The following RTTN variants were observed in gnomAD, a reference collection of about 807,000 sequenced individuals.
RTTN encodes the protein rotatin.
RTTN carries 182 observed loss-of-function variants against 269.2 expected under a neutral mutation model. The ratio of observed to expected loss-of-function variants is 0.68; its 90% CI spans 0.60 to 0.76. The LOEUF is 0.76. Among genes scored for constraint, RTTN ranks in the 30% least tolerant of loss-of-function variants. The pLI, the probability that RTTN is intolerant of heterozygous loss-of-function variation, is 0.00. For missense variants in RTTN, 2,545 were observed against 2,608.6 expected (o/e 0.98, Z 0.53); for synonymous variants, 1,006 against 963.5 (o/e 1.04, Z -0.82).
intron 11 of RTTN, among the ~76,000 whole-genome samples, chr18:70,171,937 T>TCATTAGATCTTTTTATATACCTC (rs1383974819): frequency 4.6e-5 from 7 of 152,188 alleles, no homozygotes; most frequent in Non-Finnish European, 8.8e-5. Flanking sequence ...CTTCACCAGG[T>TCATTAGATCTTTTTATATACCTC]CATTAGATCT....
At chr18:70,185,342 A>C (rs1264407107) in intron 10 of RTTN, among the ~76,000 whole-genome samples, 1 of 152,184 alleles carries the variant, frequency 6.6e-6, no homozygotes, top group Non-Finnish European at 1.5e-5. Context: ...AAAACTAAGA[A>C]ACTGAACCTC....
chr18:70,032,089 G>A (rs926954965), intron 40 of RTTN, among the ~76,000 whole-genome samples: 3 of 152,222 alleles, frequency 2.0e-5, no homozygotes, highest in Admixed American at 6.5e-5. Context: ...TGGTATGGGA[G>A]TGTCTATAGC....
chr18:70,136,346 A>G (rs1329099067), intron 21 of RTTN, among the ~76,000 whole-genome samples: 1 of 152,056 alleles, frequency 6.6e-6, no homozygotes, highest in Non-Finnish European at 1.5e-5. Flanking sequence ...ATGATAAAAA[A>G]TTGCCCAACT....
At chr18:70,083,286 T>C (rs1362226378) in intron 32 of RTTN, among the ~76,000 whole-genome samples, 1 of 152,198 alleles carries the variant, frequency 6.6e-6, no homozygotes, top group Non-Finnish European at 1.5e-5. Flanking sequence ...ACTTATGCTA[T>C]GAAAATTAAG....
intron 35 of RTTN, among the ~76,000 whole-genome samples, chr18:70,065,289 C>CAAAAAAAAAAAAAAA (rs2058101914): frequency 2.8e-5 from 2 of 72,102 alleles, no homozygotes. Flanking sequence ...AAAAAAAAAG[C>CAAAAAAAAAAAAAAA]AAAGTTGCAA....
chr18:70,192,690 G>T lies in RTTN; in HGVS notation c.1007+598C>A, dbSNP rs74528061. On this transcript the variant is annotated intron_variant, in intron 8 of 48. Transcript: ENST00000640769. ...GTCTCAAAAAAAAAAAAAAAAAAAAGAAAAAAATCTGTATTTACACAAACA... is the reference window on the plus strand; with the variant it reads ...GTCTCAAAAAAAAAAAAAAAAAAAATAAAAAAATCTGTATTTACACAAACA... 5.3e-3 allele frequency among the ~76,000 whole-genome samples: 673 copies of T among 127,986 alleles called. 8 individuals carry two copies. The highest frequency in any genetic ancestry group is 0.018 in the African/African-American group (636 of 35,580). The allele number at this position is 127,986 out of a possible 152,430, so 84.0% of individuals were successfully genotyped here.
At chr18:70,147,025 T>C (rs1222056136) in intron 17 of RTTN, among the ~76,000 whole-genome samples, 1 of 152,226 alleles carries the variant, frequency 6.6e-6, no homozygotes, top group Non-Finnish European at 1.5e-5. Flanking sequence ...GGGTTGTCAG[T>C]TGAGAGACAG....
At chr18:70,050,782 T>C (rs751470485) in intron 39 of RTTN, among the ~76,000 whole-genome samples, 2 of 152,168 alleles carry the variant, frequency 1.3e-5, no homozygotes, top group Non-Finnish European at 2.9e-5. Flanking sequence ...GGTACACGGA[T>C]GAAGCTGGAA....
chr18:70,049,185 C>T (rs934237436), intron 39 of RTTN, among the ~76,000 whole-genome samples: 1 of 152,138 alleles, frequency 6.6e-6, no homozygotes, highest in African/African-American at 2.4e-5. Flanking sequence ...ACTTTTGTAG[C>T]ATGAAAGCAG....
intron 46 of RTTN, among the ~76,000 whole-genome samples, chr18:70,013,645 C>G (rs890830238): frequency 1.3e-5 from 2 of 151,936 alleles, no homozygotes; most frequent in Non-Finnish European, 2.9e-5. Context: ...AATATTTGAA[C>G]TGAATATTAC....
chr18:70,194,195 T>C (rs2061747898), intron 7 of RTTN: 1 of 152,198 alleles, frequency 6.6e-6, no homozygotes, highest in African/African-American at 2.4e-5. Flanking sequence ...TAGAGATTCA[T>C]TGGTCATTAA....
chr18:70,028,460 T>A (rs528509409), intron 43 of RTTN, among the ~76,000 whole-genome samples: 43 of 152,312 alleles, frequency 2.8e-4, no homozygotes, highest in Admixed American at 2.1e-3. Flanking sequence ...CATCCAGCCA[T>A]TCATTCCATA....
intron 40 of RTTN, chr18:70,031,494 T>G: frequency 2.5e-6 from 1 of 396,806 alleles, no homozygotes; most frequent in East Asian, 3.6e-5. Context: ...TCTCAAAAAA[T>G]AGTGTGTAAC....
chr18:70,171,791 C>G (rs756769709), intron 11 of RTTN, among the ~76,000 whole-genome samples: 2 of 152,182 alleles, frequency 1.3e-5, no homozygotes, highest in Admixed American at 6.5e-5. Context: ...TTCTATGAGT[C>G]TGTTAGAAAT....
intron 28 of RTTN, among the ~76,000 whole-genome samples, chr18:70,101,211 T>A (rs1008143551): frequency 6.6e-6 from 1 of 152,160 alleles, no homozygotes; most frequent in African/African-American, 2.4e-5. Context: ...GGTCCTGGAC[T>A]TTTTTTGGTT....
intron 28 of RTTN, among the ~76,000 whole-genome samples, chr18:70,094,142 T>G (rs766230084): frequency 6.6e-6 from 1 of 152,182 alleles, no homozygotes; most frequent in Non-Finnish European, 1.5e-5. Flanking sequence ...AGTGCTGATC[T>G]CCCTTTTATC....
intron 37 of RTTN, among the ~76,000 whole-genome samples, chr18:70,056,714 T>C (rs1003553536): frequency 8.5e-5 from 13 of 152,196 alleles, no homozygotes; most frequent in African/African-American, 3.1e-4. Flanking sequence ...GCAATGACCA[T>C]AGGACTAGCT....
At chr18:70,128,251 A>T (rs1288912956) in intron 24 of RTTN, 107 bp downstream of exon 24, 1 of 811,296 alleles carries the variant, frequency 1.2e-6, no homozygotes, top group Non-Finnish European at 1.9e-6. Flanking sequence ...GCAGAATCAG[A>T]TGATACCAAG....
At chr18:70,174,197 AT>A (rs2061226562) in intron 11 of RTTN, among the ~76,000 whole-genome samples, 2 of 151,672 alleles carry the variant, frequency 1.3e-5, no homozygotes, top group Admixed American at 1.3e-4. Flanking sequence ...TTCTGATAGC[AT>A]TTTAAAAATC....
Sources: allele counts gnomAD v4.1 joint callset (sites outside exome capture counted in the v4.1 genomes callset), GRCh38; gene constraint gnomAD v4.1.1; transcripts MANE v1.5; gene names NCBI Gene and HGNC (gene_info 2026-07-23, HGNC 2026-07-21).